The following SLC25A13 variants were observed in gnomAD, a reference collection of about 807,000 sequenced individuals.
The protein encoded by SLC25A13 is electrogenic aspartate/glutamate antiporter SLC25A13, mitochondrial.
A neutral mutation model predicts 85.5 loss-of-function variants in SLC25A13; 70 were observed. That is an observed-to-expected ratio of 0.82 (90% CI 0.68 to 1.00). The LOEUF (loss-of-function observed/expected upper bound fraction) is 1.00, where lower values mean the gene tolerates loss of function less well. SLC25A13 is among the 50% of genes least tolerant of loss of function. SLC25A13 has a pLI of 0.00. For missense variants in SLC25A13, 765 were observed against 819.8 expected, an observed-to-expected ratio of 0.93 and a Z score of 0.82; for synonymous variants, 259 against 288.7, an observed-to-expected ratio of 0.90 and a Z score of 1.04.
At chr7:96,273,860 G>A (rs1348505697) in intron 3 of SLC25A13, among the ~76,000 whole-genome samples, 2 of 152,082 alleles carry the variant, frequency 1.3e-5, no homozygotes, top group African/African-American at 4.8e-5. Context: ...CATTCTAGGA[G>A]GTGAAAAAAC....
intron 2 of SLC25A13, among the ~76,000 whole-genome samples, chr7:96,285,619 C>T (rs1798856430): frequency 1.3e-5 from 2 of 152,146 alleles, no homozygotes; most frequent in Admixed American, 1.3e-4. Flanking sequence ...CTCCCTCCTT[C>T]CACCTCCTAC....
intron 11 of SLC25A13, among the ~76,000 whole-genome samples, chr7:96,177,285 T>C (rs1488773300): frequency 6.6e-6 from 1 of 152,200 alleles, no homozygotes; most frequent in African/African-American, 2.4e-5. Flanking sequence ...AGGGGCCCTG[T>C]ATACTTTGGG....
At chr7:96,180,336 CTA>C (rs948830354) in intron 11 of SLC25A13, among the ~76,000 whole-genome samples, 17 of 152,200 alleles carry the variant, frequency 1.1e-4, no homozygotes, top group African/African-American at 3.1e-4. Context: ...ACCCTGATTT[CTA>C]TCTCTTTTTT....
At chr7:96,243,213 G>A (rs1465369808) in intron 3 of SLC25A13, among the ~76,000 whole-genome samples, 2 of 152,216 alleles carry the variant, frequency 1.3e-5, no homozygotes, top group Non-Finnish European at 2.9e-5. Context: ...TGATCCACCC[G>A]CCTCAGCCTC....
At chr7:96,231,375 T>C (rs1016608474) in intron 4 of SLC25A13, among the ~76,000 whole-genome samples, 3 of 152,048 alleles carry the variant, frequency 2.0e-5, no homozygotes, top group African/African-American at 7.2e-5. Flanking sequence ...AGGTCTAATA[T>C]CCAGCAACTA....
intron 11 of SLC25A13, among the ~76,000 whole-genome samples, chr7:96,174,589 C>T (rs1037483573): frequency 6.6e-6 from 1 of 152,228 alleles, no homozygotes; most frequent in Non-Finnish European, 1.5e-5. Flanking sequence ...TAAACATTTA[C>T]TTGCTAGATG....
intron 5 of SLC25A13, among the ~76,000 whole-genome samples, chr7:96,195,735 C>G (rs1795035386): frequency 6.6e-6 from 1 of 152,164 alleles, no homozygotes; most frequent in Admixed American, 6.5e-5. Context: ...TTACTTCCAC[C>G]TAGTGTAGAC....
chr7:96,127,570 A>G (rs1791781519), intron 15 of SLC25A13, among the ~76,000 whole-genome samples: 1 of 152,230 alleles, frequency 6.6e-6, no homozygotes, highest in African/African-American at 2.4e-5. Context: ...GAAAGAAAAC[A>G]GTGAGATAAC....
intron 3 of SLC25A13, among the ~76,000 whole-genome samples, chr7:96,255,010 G>A (rs548556587): frequency 5.4e-4 from 82 of 152,130 alleles, no homozygotes; most frequent in African/African-American, 1.9e-3. Flanking sequence ...AAAATAAACT[G>A]AAAAAATGAA....
At chr7:96,247,075 C>G (rs1797218941) in intron 3 of SLC25A13, among the ~76,000 whole-genome samples, 1 of 152,186 alleles carries the variant, frequency 6.6e-6, no homozygotes, top group Non-Finnish European at 1.5e-5. Flanking sequence ...CAGTCAATTA[C>G]ATGTGTGGTT....
chr7:96,318,104 A>C (rs1009017932), intron 1 of SLC25A13, among the ~76,000 whole-genome samples: 2 of 152,186 alleles, frequency 1.3e-5, no homozygotes, highest in Non-Finnish European at 2.9e-5. Context: ...AGTCCTACAG[A>C]CCAAATTGTC....
intron 4 of SLC25A13, among the ~76,000 whole-genome samples, chr7:96,233,571 G>T (rs760557250): frequency 5.9e-5 from 9 of 152,166 alleles, no homozygotes; most frequent in Non-Finnish European, 1.3e-4. Flanking sequence ...AAATGAGTAT[G>T]ACGGAATGGC....
At chr7:96,183,416 C>T (rs1217375627) in intron 11 of SLC25A13, among the ~76,000 whole-genome samples, 1 of 152,172 alleles carries the variant, frequency 6.6e-6, no homozygotes, top group Non-Finnish European at 1.5e-5. Flanking sequence ...GTACTAAATA[C>T]TGTTTTCTTC....
intron 4 of SLC25A13, among the ~76,000 whole-genome samples, chr7:96,233,007 G>A (rs1192430715): frequency 2.6e-5 from 4 of 152,150 alleles, no homozygotes; most frequent in South Asian, 4.1e-4. Context: ...AGTCTCCTAC[G>A]TCTTTCTAGG....
Position 96,121,162 on chromosome 7 carries a change from AAGAC to A in SLC25A13, c.*25_*28del. On this transcript the variant is annotated 3_prime_UTR_variant, in exon 18 of 18. Coordinates refer to ENST00000265631, the MANE Select transcript of SLC25A13 (RefSeq NM_014251.3). ...TGTTCTTTACTGCAGTACCCACAAA[AAGAC>A]AGCACTATCCCAGGGCTGATCTTCC... is the stretch of plus-strand genomic sequence containing the variant. 1 of 1,612,352 alleles carries A rather than the reference AAGAC, an allele frequency of 6.2e-7. No individual in the cohort carries two copies. Among genetic ancestry groups the A allele is most frequent in the Non-Finnish European group, 8.5e-7 (1 of 1,178,378 alleles).
Position 96,141,918 on chromosome 7 carries a change from T to TG in SLC25A13, c.1452+4637dup, listed in dbSNP as rs776955296. Reference sequence around the variant, plus strand: ...TCTTTTCTAAGCAATCACAAAAGTATGTCAAAATATACATAGGGATGATCA... The same window carrying TG: ...TCTTTTCTAAGCAATCACAAAAGTATGGTCAAAATATACATAGGGATGATCA... On this transcript the variant is annotated intron_variant, in intron 14 of 17. Coordinates refer to ENST00000265631, the MANE Select transcript of SLC25A13 (RefSeq NM_014251.3). 2.6e-5 allele frequency among the ~76,000 whole-genome samples: 4 copies of TG among 152,222 alleles called. 1 individual carries two copies. The highest frequency in any genetic ancestry group is 4.1e-4 in the South Asian group (2 of 4,830).
intron 13 of SLC25A13, among the ~76,000 whole-genome samples, chr7:96,148,940 T>G (rs1420424563): frequency 6.6e-6 from 1 of 152,204 alleles, no homozygotes; most frequent in Admixed American, 6.5e-5. Context: ...GACAGAGCCT[T>G]TACTCCAGTT....
At chr7:96,134,793 TTATATATATA>T (rs10522412) in intron 14 of SLC25A13, among the ~76,000 whole-genome samples, 2 of 102,250 alleles carry the variant, frequency 2.0e-5, no homozygotes, top group African/African-American at 8.2e-5. Flanking sequence ...ACAAACAATT[TTATATATATA>T]TATATATATA....
At chr7:96,234,754 C>A (rs1388921115) in intron 4 of SLC25A13, 48 bp downstream of exon 4, 1 of 1,390,170 alleles carries the variant, frequency 7.2e-7, no homozygotes, top group South Asian at 1.2e-5. Flanking sequence ...AGAAAATGCT[C>A]ACACAAGTCC....
Sources: gnomAD v4.1 joint callset for allele counts (sites outside exome capture counted in the v4.1 genomes callset) on GRCh38, gnomAD v4.1.1 for gene constraint, MANE v1.5 for transcripts, NCBI Gene and HGNC (gene_info 2026-07-23, HGNC 2026-07-21) for gene names.